CD22: variants seen among roughly 807,000 people sequenced by gnomAD.
CD22 encodes B-cell receptor CD22.
A neutral mutation model predicts 94.7 loss-of-function variants in CD22; 51 were observed. That is an observed-to-expected ratio of 0.54 (90% confidence interval 0.43 to 0.68). The LOEUF (loss-of-function observed/expected upper bound fraction) is 0.68, where lower values mean the gene tolerates loss of function less well. Among genes scored for constraint, CD22 ranks in the 30% least tolerant of loss-of-function variants. CD22 has a pLI of 0.00. For missense variants in CD22, 931 were observed against 1,060.4 expected (o/e 0.88, Z 1.69); for synonymous variants, 424 against 422.5 (o/e 1.00, Z -0.04).
Position 35,344,901 on chromosome 19 carries a change from T to C in CD22, c.2108T>C (p.Ile703Thr). The C allele has an allele frequency of 6.2e-7, 1 of 1,614,020 alleles. No individual in the cohort carries two copies. Among genetic ancestry groups the C allele is most frequent in the South Asian group, 1.1e-5 (1 of 91,086 alleles). Residue 703 changes from isoleucine (I) to threonine (T), a missense_variant, in exon 10 of 14, where the codon ATC becomes ACC. Coordinates refer to ENST00000085219, the MANE Select transcript of CD22 (RefSeq NM_001771.4). Reference protein sequence around the residue: ...GSCLAILILAICGLKLQRRWK... With the variant: ...GSCLAILILATCGLKLQRRWK... Reference sequence around the variant, plus strand: ...TGCCTCGCCATCCTCATCCTGGCAATCTGTGGGCTCAAGCTCCAGCGACGG... The same window carrying C: ...TGCCTCGCCATCCTCATCCTGGCAACCTGTGGGCTCAAGCTCCAGCGACGG...
intron 11 of CD22, 83 bp from the exon 12 acceptor site, chr19:35,345,519 G>A (rs1249726111): frequency 5.0e-6 from 4 of 806,154 alleles, no homozygotes; most frequent in Non-Finnish European, 8.5e-6. Flanking sequence ...GTCCTCTGAG[G>A]AGACCTGGGC....
chr19:35,346,192 G>T lies in CD22; in HGVS notation c.2369G>T (p.Cys790Phe), dbSNP rs1339858165. The change falls in exon 13 of 14, where the codon TGC becomes TTC. Residue 790 changes from cysteine to phenylalanine, a missense_variant. Transcript: ENST00000085219. The part of the protein sequence containing the change: ...SSEMQRPPPD[C>F]DDTVTYSALH... ...GAGATGCAGAGACCTCCCCCGGACT[G>T]CGATGACACGGTCACTTATTCAGCA... 1 of 1,614,118 alleles carries T rather than the reference G, an allele frequency of 6.2e-7. No individual in the cohort carries two copies. The highest frequency in any genetic ancestry group is 1.3e-5 in the African/African-American group (1 of 75,060).
In CD22 at chr19:35,336,064, C is replaced by T; in HGVS notation, c.441C>T (p.Leu147=). Reference sequence around the variant, plus strand: ...GGCCTTTTCCACCTCATATCCAGCTCCCTCCAGAAATTCAAGAGTCCCAGG... The same window carrying T: ...GGCCTTTTCCACCTCATATCCAGCTTCCTCCAGAAATTCAAGAGTCCCAGG... ...SERPFPPHIQ[L]PPEIQESQEV... The change falls in exon 4 of 14, where the codon CTC becomes CTT. Residue 147 remains leucine, a synonymous_variant. Transcript: ENST00000085219. 1 of 1,613,862 alleles carries T rather than the reference C, an allele frequency of 6.2e-7. No homozygotes were observed. Among genetic ancestry groups the T allele is most frequent in the Non-Finnish European group, 8.5e-7 (1 of 1,179,868 alleles).
intron 9 of CD22, among the ~76,000 whole-genome samples, chr19:35,343,398 C>T (rs901935788): frequency 6.6e-6 from 1 of 152,216 alleles, no homozygotes; most frequent in Non-Finnish European, 1.5e-5. Flanking sequence ...TCTCACTGCA[C>T]ACAGTCTTCC....
At chr19:35,346,473 C>T (rs1004220590) in intron 13 of CD22, 93 bp from the exon 14 acceptor site, 3 of 1,513,174 alleles carry the variant, frequency 2.0e-6, no homozygotes, top group Admixed American at 2.0e-5. Flanking sequence ...GGCTTTTGGA[C>T]CCCCGGGTGG....
intron 9 of CD22, among the ~76,000 whole-genome samples, chr19:35,344,189 C>T (rs1381674448): frequency 1.8e-5 from 2 of 113,250 alleles, no homozygotes; most frequent in African/African-American, 6.4e-5. Flanking sequence ...GAGCGAGACT[C>T]TGTCTCAATC....
At chr19:35,339,885 A>G (rs1367287349) in intron 6 of CD22, among the ~76,000 whole-genome samples, 1 of 152,150 alleles carries the variant, frequency 6.6e-6, no homozygotes, top group African/African-American at 2.4e-5. Context: ...GCAAGATACC[A>G]GGACTCCATG....
chr19:35,335,759 G>T (rs1201662471), intron 3 of CD22, among the ~76,000 whole-genome samples: 1 of 151,798 alleles, frequency 6.6e-6, no homozygotes, highest in Non-Finnish European at 1.5e-5. Flanking sequence ...GGAGGCTGAG[G>T]CAGGAGGATC....
In CD22 at chr19:35,345,606, G is replaced by A. The variant is rs1235633804; in HGVS notation, c.2213G>A (p.Arg738Lys). 2 of 1,601,286 alleles carry A rather than the reference G, an allele frequency of 1.2e-6. No individual in the cohort carries two copies. The highest frequency in any genetic ancestry group is 3.3e-5 in the Admixed American group (2 of 59,846). The change falls in exon 12 of 14, where the codon AGA becomes AAA. Residue 738 changes from arginine to lysine, a missense_variant. Coordinates refer to ENST00000085219, the MANE Select transcript of CD22 (RefSeq NM_001771.4). ...QSFFVRNKKV[R>K]RAPLSEGPHS... Reference sequence around the variant, plus strand: ...TCATCCTCGTCTCCCTCCCAGGTTAGAAGGGCCCCCCTCTCTGAAGGCCCC... The same window carrying A: ...TCATCCTCGTCTCCCTCCCAGGTTAAAAGGGCCCCCCTCTCTGAAGGCCCC...
chr19:35,346,616 T>C lies in CD22; in HGVS notation c.2463T>C (p.His821=). The C allele has an allele frequency of 1.2e-6, 2 of 1,606,782 alleles. No homozygotes were observed. The highest frequency in any genetic ancestry group is 2.2e-5 in the East Asian group (1 of 44,748). ...IPDFPEDEGI[H]YSELIQFGVG... The stretch of plus-strand genomic sequence containing the variant: ...ATTTTCCAGAAGATGAGGGGATTCA[T>C]TACTCAGAGCTGATCCAGTTTGGGG... The change falls in exon 14 of 14, where the codon CAT becomes CAC. Residue 821 remains histidine (H), a synonymous_variant. Coordinates refer to ENST00000085219, the MANE Select transcript of CD22 (RefSeq NM_001771.4).
chr19:35,340,989 G>T lies in CD22; in HGVS notation c.1358G>T (p.Arg453Leu), dbSNP rs369908101. Residue 453 changes from arginine to leucine, a missense_variant, in exon 7 of 14, where the codon CGG (arginine) becomes CTG (leucine). Transcript: ENST00000085219. ...AATTCCAGTAACCCCAGTGTTACCC[G>T]GTATGAATGGAAACCCCATGGCGCC... ...NYNSSNPSVT[R>L]YEWKPHGAWE... 2.5e-6 allele frequency: 4 copies of T among 1,614,190 alleles called. No individual in the cohort carries two copies. Among genetic ancestry groups the T allele is most frequent in the East Asian group, 2.2e-5 (1 of 44,888 alleles).
intron 9 of CD22, among the ~76,000 whole-genome samples, chr19:35,342,775 C>T (rs2066835855): frequency 6.6e-6 from 1 of 152,162 alleles, no homozygotes; most frequent in African/African-American, 2.4e-5. Context: ...CTGTCTCTCT[C>T]AGCCCTGACA....
chr19:35,335,161 G>A (rs2066702628), intron 3 of CD22, among the ~76,000 whole-genome samples: 1 of 151,766 alleles, frequency 6.6e-6, no homozygotes, highest in African/African-American at 2.4e-5. Context: ...ATCCGGCAAT[G>A]AGCATGAAAG....
chr19:35,345,260 A>G lies in CD22; in HGVS notation c.2208+134A>G, dbSNP rs3761068. The G allele has an allele frequency of 0.18, 129,577 of 738,014 alleles. 12,664 individuals carry two copies. The highest frequency in any genetic ancestry group is 0.2 in the Non-Finnish European group (87,905 of 429,784). 45.7% of individuals were successfully genotyped at this position (738,014 alleles called of 1,614,324 possible). A position where few individuals can be genotyped will look rare whatever the true frequency, so the allele number is the denominator to read the frequency against. Reference sequence around the variant, plus strand: ...TGGTGAAACCCTGTCTCTACAAAAAATATTTTAAAAATTAGCCGGGCGTGA... The same window carrying G: ...TGGTGAAACCCTGTCTCTACAAAAAGTATTTTAAAAATTAGCCGGGCGTGA... On this transcript the variant is annotated intron_variant, in intron 11 of 13. Transcript: ENST00000085219.
chr19:35,329,287 A>C, intron 1 of CD22, 57 bp downstream of exon 1: 1 of 1,137,396 alleles, frequency 8.8e-7, no homozygotes, highest in Non-Finnish European at 1.2e-6. Flanking sequence ...ACGGAACAGC[A>C]GTTATGGGCC....
intron 11 of CD22, 106 bp from the exon 12 acceptor site, chr19:35,345,496 A>G: frequency 1.5e-6 from 1 of 681,458 alleles, no homozygotes; most frequent in African/African-American, 1.8e-5. Flanking sequence ...AAGGTGAAGG[A>G]AGGGGATAAA....
At chr19:35,345,477 T>TG in intron 11 of CD22, 125 bp from the exon 12 acceptor site, 1 of 505,202 alleles carries the variant, frequency 2.0e-6, no homozygotes. Context: ...TGAAGCTGAG[T>TG]GGGGAAACAA....
intron 1 of CD22, chr19:35,331,645 T>C: frequency 4.6e-6 from 1 of 216,446 alleles, no homozygotes; most frequent in Non-Finnish European, 9.4e-6. Context: ...GATCAGGAGT[T>C]CAAGACCAGC....
chr19:35,343,145 G>C (rs770674891), intron 9 of CD22, among the ~76,000 whole-genome samples: 12 of 150,994 alleles, frequency 7.9e-5, no homozygotes, highest in Non-Finnish European at 1.2e-4. Context: ...TGTTGCACAG[G>C]TTGGAGTGCA....
Sources: allele counts gnomAD v4.1 joint callset (sites outside exome capture counted in the v4.1 genomes callset), GRCh38; gene constraint gnomAD v4.1.1; transcripts MANE v1.5; gene names NCBI Gene and HGNC (gene_info 2026-07-23, HGNC 2026-07-21).